SEMA3A: variants seen among roughly 807,000 people sequenced by gnomAD.
SEMA3A encodes the protein semaphorin-3A.
Under a neutral mutation model 97.9 loss-of-function variants are expected in SEMA3A, and 29 were observed. The observed-to-expected ratio is 0.30, with a 90% CI of 0.22 to 0.40. The LOEUF is 0.40. SEMA3A is among the 10% of genes least tolerant of loss of function. The pLI is 1.00. For missense variants in SEMA3A, 763 were observed against 951.3 expected (o/e 0.80, Z 2.60); for synonymous variants, 321 against 323.7 (o/e 0.99, Z 0.09).
rs35489504 is a variant in SEMA3A at position 84,075,458 on chromosome 7, C to CTTT, written c.454-14903_454-14901dup. Among the ~76,000 whole-genome samples the CTTT allele has an allele frequency of 4.1e-4, 49 of 119,284 alleles. 1 individual carries two copies. Among genetic ancestry groups the CTTT allele is most frequent in the African/African-American group, 1.6e-3 (48 of 30,074 alleles). The allele number at this position is 119,284 out of a possible 152,430, so 78.3% of individuals were successfully genotyped here. A position where few individuals can be genotyped will look rare whatever the true frequency, so the allele number is the denominator to read the frequency against. ...ACAGGCATAAGCCACTGCACCTGGTCTTTTTTTTTTTTTTTTTTGAGACAG... is the reference window on the plus strand; with the variant it reads ...ACAGGCATAAGCCACTGCACCTGGTCTTTTTTTTTTTTTTTTTTTTTGAGACAG... On this transcript the variant is annotated intron_variant, in intron 4 of 16. Transcript: ENST00000265362.
chr7:84,288,622 C>T (rs553027784), intron 3 of SEMA3A, among the ~76,000 whole-genome samples: 44 of 152,032 alleles, frequency 2.9e-4, no homozygotes, highest in African/African-American at 9.6e-4. Context: ...TGCTTGAACC[C>T]GGGAGGTGGA....
At chr7:84,250,485 A>G (rs544478204) in intron 3 of SEMA3A, among the ~76,000 whole-genome samples, 3 of 152,090 alleles carry the variant, frequency 2.0e-5, no homozygotes, top group Non-Finnish European at 4.4e-5. Flanking sequence ...GCAGTCTTCA[A>G]CTTGTTTGTG....
chr7:84,008,239 A>C (rs1034099798), intron 9 of SEMA3A, among the ~76,000 whole-genome samples: 1 of 152,174 alleles, frequency 6.6e-6, no homozygotes, highest in South Asian at 2.1e-4. Flanking sequence ...AGCCTGTAAT[A>C]CCGGCACTTT....
At chr7:84,265,501 CAT>C (rs562710391) in intron 3 of SEMA3A, among the ~76,000 whole-genome samples, 220 of 144,936 alleles carry the variant, frequency 1.5e-3, no homozygotes, top group East Asian at 5.3e-3. Context: ...TATTATATAT[CAT>C]ATATATATAA....
chr7:84,242,518 T>C (rs1799388105), intron 3 of SEMA3A, among the ~76,000 whole-genome samples: 1 of 152,176 alleles, frequency 6.6e-6, no homozygotes, highest in Non-Finnish European at 1.5e-5. Flanking sequence ...TTAAGGTGAT[T>C]TTAGACTGAG....
chr7:83,973,444 CTT>C (rs1789000252), intron 15 of SEMA3A, among the ~76,000 whole-genome samples: 1 of 151,528 alleles, frequency 6.6e-6, no homozygotes, highest in African/African-American at 2.4e-5. Context: ...TCATCTGAGA[CTT>C]GATGAAATTT....
intron 1 of SEMA3A, among the ~76,000 whole-genome samples, chr7:84,427,790 G>A (rs1804868080): frequency 6.6e-6 from 1 of 151,632 alleles, no homozygotes; most frequent in Non-Finnish European, 1.5e-5. Flanking sequence ...AAATAAACCT[G>A]GTCATTTGTG....
chr7:84,325,117 C>CTCATCTATCTA (rs1554364630), intron 2 of SEMA3A, among the ~76,000 whole-genome samples: 1 of 149,052 alleles, frequency 6.7e-6, no homozygotes, highest in African/African-American at 2.5e-5. Context: ...ATGTATATAT[C>CTCATCTATCTA]TCTATCTATC....
chr7:84,104,220 A>G (rs1297950710), intron 4 of SEMA3A, among the ~76,000 whole-genome samples: 2 of 152,118 alleles, frequency 1.3e-5, no homozygotes, highest in Non-Finnish European at 2.9e-5. Flanking sequence ...CTAAAAAATA[A>G]AGTACTATAG....
intron 15 of SEMA3A, among the ~76,000 whole-genome samples, chr7:83,964,702 C>G (rs146034119): frequency 7.9e-5 from 12 of 152,216 alleles, no homozygotes; most frequent in African/African-American, 2.9e-4. Context: ...TTATCTGTCT[C>G]TTATTGAAAA....
chr7:83,994,688 T>G lies in SEMA3A; in HGVS notation c.1452+7267A>C, dbSNP rs544265236. Among the ~76,000 whole-genome samples the G allele has an allele frequency of 6.6e-4, 98 of 148,292 alleles. 1 individual carries two copies. The highest frequency in any genetic ancestry group is 1.3e-3 in the African/African-American group (52 of 40,004). On this transcript the variant is annotated intron_variant, in intron 12 of 16. Transcript: ENST00000265362. ...GTCTGCCCGTTCTCAGATCTCCAGC[T>G]GCGTGCTGGGAGAACCACTGCTCTC...
At chr7:84,463,234 A>ATTTTTTT (rs1156790369) in intron 1 of SEMA3A, among the ~76,000 whole-genome samples, 5 of 62,064 alleles carry the variant, frequency 8.1e-5, no homozygotes, top group East Asian at 4.0e-4. Flanking sequence ...TTTTGTAACT[A>ATTTTTTT]TTCTTTTTTT....
chr7:84,011,284 C>G lies in SEMA3A; in HGVS notation c.824G>C (p.Gly275Ala). 6.2e-7 allele frequency: 1 copy of G among 1,612,282 alleles called. No homozygotes were observed. The change falls in exon 8 of 17, where the codon GGG becomes GCG. Residue 275 changes from glycine (G) to alanine (A), a missense_variant. By Grantham distance (60) the Gly-to-Ala change is moderately conservative. This residue lies in a region of SEMA3A where 678 missense variants were observed against 881.3 expected (regional missense o/e 0.77). Coordinates refer to ENST00000265362, the MANE Select transcript of SEMA3A (RefSeq NM_006080.3). ...CCATTTATTCACCAGACTTCTGTGC[C>G]CTCCAAAGTCATTCTGAAAGAAGGG... The part of the protein sequence containing the change: ...IGQICKNDFG[G>A]HRSLVNKWTT...
chr7:83,987,259 GA>G (rs1004511049), intron 12 of SEMA3A, among the ~76,000 whole-genome samples: 97 of 151,842 alleles, frequency 6.4e-4, no homozygotes, highest in Non-Finnish European at 1.2e-3. Flanking sequence ...GAAGAAGGTG[GA>G]AAAAAATCAA....
At chr7:84,351,626 A>G (rs974733136) in intron 2 of SEMA3A, among the ~76,000 whole-genome samples, 6 of 152,072 alleles carry the variant, frequency 3.9e-5, no homozygotes, top group Non-Finnish European at 1.5e-5. Context: ...AAAGTACTCA[A>G]CATTACTGAT....
intron 1 of SEMA3A, among the ~76,000 whole-genome samples, chr7:84,418,491 G>C (rs1290385448): frequency 6.6e-6 from 1 of 152,012 alleles, no homozygotes; most frequent in Non-Finnish European, 1.5e-5. Context: ...GATTTGAGTG[G>C]GGACACATCC....
chr7:84,455,471 A>T (rs1043361192), intron 1 of SEMA3A, among the ~76,000 whole-genome samples: 5 of 151,970 alleles, frequency 3.3e-5, no homozygotes, highest in African/African-American at 1.2e-4. Flanking sequence ...GATTAATAAA[A>T]ATATTTTATA....
chr7:84,373,206 C>T (rs1159230676), intron 1 of SEMA3A, among the ~76,000 whole-genome samples: 1 of 152,102 alleles, frequency 6.6e-6, no homozygotes, highest in Non-Finnish European at 1.5e-5. Context: ...CATCGGATAA[C>T]TCCAGTGGAC....
chr7:84,386,370 A>G (rs1485536048), intron 1 of SEMA3A, among the ~76,000 whole-genome samples: 1 of 152,204 alleles, frequency 6.6e-6, no homozygotes, highest in East Asian at 1.9e-4. Flanking sequence ...GATCCACAAC[A>G]CAAGGCCTCC....
Sources: gnomAD v4.1 joint callset for allele counts (sites outside exome capture counted in the v4.1 genomes callset) on GRCh38, gnomAD v4.1.1 for gene constraint, gnomAD v4.1.1 regional missense constraint, MANE v1.5 for transcripts, NCBI Gene and HGNC (gene_info 2026-07-23, HGNC 2026-07-21) for gene names.